Variants in COL28A1 observed in about 807,000 individuals in gnomAD.
COL28A1 encodes the protein collagen type XXVIII alpha 1 chain.
A neutral mutation model predicts 150.2 loss-of-function variants in COL28A1; 161 were observed. The observed-to-expected ratio is 1.07, with a 90% CI of 0.94 to 1.22. The LOEUF (loss-of-function observed/expected upper bound fraction) is 1.22, where lower values mean the gene tolerates loss of function less well. COL28A1 is among the 50% of genes most tolerant of loss of function. COL28A1 has a pLI of 0.00. For missense variants in COL28A1, 1,617 were observed against 1,388.3 expected, an observed-to-expected ratio of 1.16 and a Z score of -2.62; for synonymous variants, 552 against 469.7, an observed-to-expected ratio of 1.18 and a Z score of -2.26.
In COL28A1 at chr7:7,443,587, T is replaced by C; in HGVS notation, c.1648A>G (p.Lys550Glu). The C allele has an allele frequency of 6.2e-7, 1 of 1,614,082 alleles. No homozygotes were observed. The highest frequency in any genetic ancestry group is 8.5e-7 in the Non-Finnish European group (1 of 1,179,990). Residue 550 changes from lysine to glutamate, a missense_variant and splice_region_variant, in exon 20 of 35, where the codon AAG becomes GAG. Transcript: ENST00000399429. Reference sequence around the variant, plus strand: ...CACCAACACTGTCATTTCCATACCTTGGGGCCAGGCTGTCCTTTTCCAGGT... The same window carrying C: ...CACCAACACTGTCATTTCCATACCTCGGGGCCAGGCTGTCCTTTTCCAGGT... ...GPPGKGQPGP[K>E]GDEGKKGSKG...
chr7:7,507,037 G>A, intron 10 of COL28A1, 80 bp downstream of exon 10: 1 of 762,370 alleles, frequency 1.3e-6, no homozygotes, highest in Non-Finnish European at 2.3e-6. Flanking sequence ...CTGGCAGAGG[G>A]TGCAAGTGGG....
chr7:7,461,023 G>A (rs1787575532), intron 15 of COL28A1, among the ~76,000 whole-genome samples: 1 of 152,168 alleles, frequency 6.6e-6, no homozygotes, highest in Non-Finnish European at 1.5e-5. Context: ...GAAAACCCAC[G>A]GACTTGCTGA....
chr7:7,373,441 T>C lies in COL28A1; in HGVS notation c.2465A>G (p.Lys822Arg), dbSNP rs762709879. Reference sequence around the variant, plus strand: ...CAGAGCAACCCGGTCAGCCATAGTCTTCACAAAATTTTTAATGATCTGAAA... The same window carrying C: ...CAGAGCAACCCGGTCAGCCATAGTCCTCACAAAATTTTTAATGATCTGAAA... ...ENFQIIKNFVKTMADRVALDL... is the reference protein window; with the variant it reads ...ENFQIIKNFVRTMADRVALDL... Residue 822 changes from lysine (K) to arginine (R), a missense_variant, in exon 32 of 35, where the codon AAG (lysine) becomes AGG (arginine). Lys to Arg is a conservative substitution (Grantham distance 26). Coordinates refer to ENST00000399429, the MANE Select transcript of COL28A1 (RefSeq NM_001037763.3). This position sits in a 1 kb window ranked among gnomAD's most constrained non-coding sequence, Gnocchi z 4.1. 6.2e-7 allele frequency: 1 copy of C among 1,614,016 alleles called. No homozygotes were observed. Among genetic ancestry groups the C allele is most frequent in the African/African-American group, 1.3e-5 (1 of 74,912 alleles).
In COL28A1 at chr7:7,381,575, C is replaced by T. The variant is rs75350369; in HGVS notation, c.2174G>A (p.Gly725Asp). ...GCCTGGGAGGCCATGGCCCATTGTG[C>T]CCTTTGGGCCTGGGAAGCCTTGTGG... ...QGPQGFPGPK[G>D]TMGHGLPGQK... The change falls in exon 28 of 35, where the codon GGC (glycine) becomes GAC (aspartate). Residue 725 changes from glycine to aspartate, a missense_variant. Physicochemically the swap from Gly to Asp is moderately conservative, Grantham distance 94. Coordinates refer to ENST00000399429, the MANE Select transcript of COL28A1 (RefSeq NM_001037763.3). 1.6e-3 allele frequency: 2,532 copies of T among 1,613,826 alleles called. No individual in the cohort carries two copies. The highest frequency in any genetic ancestry group is 1.9e-3 in the Non-Finnish European group (2,299 of 1,179,722).
downstream of COL28A1, among the ~76,000 whole-genome samples, chr7:7,353,597 C>T (rs1213178872): frequency 1.3e-5 from 2 of 152,136 alleles, no homozygotes; most frequent in East Asian, 3.9e-4. Flanking sequence ...TTGGTTGCCA[C>T]TCAATTGGTA....
intron 27 of COL28A1, among the ~76,000 whole-genome samples, chr7:7,401,165 T>G (rs1783183464): frequency 6.6e-6 from 1 of 152,066 alleles, no homozygotes; most frequent in African/African-American, 2.4e-5. Flanking sequence ...CCTCTTTCTT[T>G]TCATTCTGTC....
At chr7:7,363,592 GA>G (rs1780781148) in intron 33 of COL28A1, among the ~76,000 whole-genome samples, 1 of 151,978 alleles carries the variant, frequency 6.6e-6, no homozygotes. Flanking sequence ...ACAGAAATCA[GA>G]AGTAATTCTA....
At chr7:7,346,422 T>C in the COL28A1 span, among the ~76,000 whole-genome samples, 1 of 152,088 alleles carries the variant, frequency 6.6e-6, no homozygotes, top group Admixed American at 6.6e-5. Context: ...ATTCTAAACA[T>C]TCTCTCTAAA....
upstream of COL28A1, among the ~76,000 whole-genome samples, chr7:7,538,956 T>C (rs1342275597): frequency 6.6e-6 from 1 of 151,682 alleles, no homozygotes; most frequent in African/African-American, 2.4e-5. Flanking sequence ...CTTTCTTTCT[T>C]TTTTTCTTTT....
chr7:7,380,825 CCTTT>C lies in COL28A1; in HGVS notation c.2239_2242del (p.Lys747ValfsTer24). 1 of 1,614,034 alleles carries C rather than the reference CCTTT, an allele frequency of 6.2e-7. No individual in the cohort carries two copies. Among genetic ancestry groups the C allele is most frequent in the Middle Eastern group, 1.6e-4 (1 of 6,062 alleles). On this transcript the variant is annotated frameshift_variant, in exon 29 of 35. Transcript: ENST00000399429. LOFTEE classifies it high-confidence loss of function. Reference sequence around the variant, plus strand: ...AGGCTCTCCAATTTCTCCTTTATCACCTTTCTTTCCCACATCGCCCCGTTCTCCG... The same window carrying C: ...AGGCTCTCCAATTTCTCCTTTATCACCTTTCCCACATCGCCCCGTTCTCCG...
chr7:7,356,006 C>T (rs1157767759), downstream of COL28A1, among the ~76,000 whole-genome samples: 1 of 151,860 alleles, frequency 6.6e-6, no homozygotes, highest in African/African-American at 2.4e-5. Flanking sequence ...AGTAAATGAA[C>T]ATGTATGAAT....
intron 8 of COL28A1, chr7:7,511,682 A>G (rs903242971): frequency 2.1e-6 from 1 of 466,496 alleles, no homozygotes; most frequent in Non-Finnish European, 4.5e-6. Context: ...CACCTGGAGA[A>G]CCGTGAGAGA....
downstream of COL28A1, among the ~76,000 whole-genome samples, chr7:7,356,000 A>G (rs1406984257): frequency 1.3e-5 from 2 of 152,336 alleles, no homozygotes; most frequent in African/African-American, 4.8e-5. Context: ...CGTGGAAGTA[A>G]ATGAACATGT....
intron 25 of COL28A1, among the ~76,000 whole-genome samples, chr7:7,421,738 AC>A (rs1784397135): frequency 1.3e-5 from 2 of 152,242 alleles, no homozygotes; most frequent in African/African-American, 4.8e-5. Context: ...TTAAAACTGT[AC>A]TTTATTACTG....
At chr7:7,368,762 G>C (rs1294906568) in intron 33 of COL28A1, among the ~76,000 whole-genome samples, 1 of 152,156 alleles carries the variant, frequency 6.6e-6, no homozygotes, top group Non-Finnish European at 1.5e-5. Context: ...CCAACCTCCA[G>C]AACTGTGAAA....
intron 13 of COL28A1, among the ~76,000 whole-genome samples, chr7:7,477,966 T>C (rs961084295): frequency 1.6e-4 from 24 of 152,114 alleles, no homozygotes; most frequent in Non-Finnish European, 3.4e-4. Flanking sequence ...ACCAAAGTTC[T>C]TCACCTCCCA....
intron 9 of COL28A1, among the ~76,000 whole-genome samples, chr7:7,507,611 T>C (rs566893047): frequency 6.6e-6 from 1 of 152,302 alleles, no homozygotes; most frequent in Non-Finnish European, 1.5e-5. Context: ...TCAATACTCT[T>C]CTAATAGAAA....
intron 34 of COL28A1, among the ~76,000 whole-genome samples, chr7:7,359,790 A>C (rs2128277445): frequency 6.6e-6 from 1 of 152,308 alleles, no homozygotes; most frequent in East Asian, 1.9e-4. Context: ...GACCAAATGG[A>C]AATGAGCCAT....
chr7:7,401,521 G>T (rs10235505), intron 27 of COL28A1, among the ~76,000 whole-genome samples: 1 of 151,694 alleles, frequency 6.6e-6, no homozygotes, highest in South Asian at 2.1e-4. Flanking sequence ...CTATTATATA[G>T]AGTCTCCCAT....
Sources: gnomAD v4.1 joint callset for allele counts (sites outside exome capture counted in the v4.1 genomes callset) on GRCh38, gnomAD v4.1.1 for gene constraint, Gnocchi (gnomAD v3.1) non-coding constraint, MANE v1.5 for transcripts, NCBI Gene and HGNC (gene_info 2026-07-23, HGNC 2026-07-21) for gene names.